The following POLR3B variants were observed in gnomAD, a reference collection of about 807,000 sequenced individuals.
POLR3B encodes DNA-directed RNA polymerase III subunit RPC2.
POLR3B carries 96 observed loss-of-function variants against 147.4 expected under a neutral mutation model. That is an observed-to-expected ratio of 0.65 (90% CI 0.55 to 0.77). POLR3B has a LOEUF of 0.77. Ranked by LOEUF, POLR3B falls within the 30% of genes least tolerant of loss-of-function variation. The pLI, the probability that POLR3B is intolerant of heterozygous loss-of-function variation, is 0.00. For missense variants in POLR3B, 1,036 were observed against 1,413.5 expected (o/e 0.73, Z 4.28); for synonymous variants, 461 against 485.9 (o/e 0.95, Z 0.67).
Position 106,359,362 on chromosome 12 carries a change from A to C in POLR3B, c.72+1411A>C, listed in dbSNP as rs180886499. On this transcript the variant is annotated intron_variant, in intron 1 of 27. Transcript: ENST00000228347. ...TTTTTTTTTTTTTGAGACGGAGTCT[A>C]GCTCTGTCGCCCAGGCTGGAGTGCA... 7.5e-3 allele frequency among the ~76,000 whole-genome samples: 992 copies of C among 132,080 alleles called. 11 individuals are homozygous for C. The highest frequency in any genetic ancestry group is 0.028 in the African/African-American group (954 of 34,474). The allele number at this position is 132,080 out of a possible 152,430, so 86.6% of individuals were successfully genotyped here.
At chr12:106,421,230 A>T (rs1008372677) in intron 12 of POLR3B, among the ~76,000 whole-genome samples, 1 of 144,990 alleles carries the variant, frequency 6.9e-6, no homozygotes, top group Admixed American at 6.9e-5. Flanking sequence ...ATTTGACATT[A>T]AAAAAAAAAA....
chr12:106,403,724 A>G (rs1345001750), intron 10 of POLR3B, among the ~76,000 whole-genome samples: 1 of 148,434 alleles, frequency 6.7e-6, no homozygotes, highest in East Asian at 2.0e-4. Context: ...AAAACCAAAC[A>G]CCACATGTTC....
chr12:106,452,590 A>T (rs911215923), intron 19 of POLR3B, among the ~76,000 whole-genome samples: 2 of 152,208 alleles, frequency 1.3e-5, no homozygotes, highest in African/African-American at 4.8e-5. Flanking sequence ...TTGGAACTGA[A>T]ATCTCAACAT....
At chr12:106,452,064 G>A (rs2037804542) in intron 19 of POLR3B, among the ~76,000 whole-genome samples, 1 of 152,188 alleles carries the variant, frequency 6.6e-6, no homozygotes, top group African/African-American at 2.4e-5. Context: ...GGGAATCAAA[G>A]TTTGAGCGTG....
chr12:106,366,391 G>A lies in POLR3B; in HGVS notation c.106-125G>A, dbSNP rs951242615. Reference sequence around the variant, plus strand: ...ATTCATGGATTATTTTTCTCATTTTGATTTTGATAAAAATTTGATGTTCAC... The same window carrying A: ...ATTCATGGATTATTTTTCTCATTTTAATTTTGATAAAAATTTGATGTTCAC... On this transcript the variant is annotated intron_variant, in intron 2 of 27. Transcript: ENST00000228347. 4.3e-6 allele frequency: 3 copies of A among 697,340 alleles called. No homozygotes were observed. In the Admixed American group the frequency reaches 6.8e-5, roughly 16 times the overall value. The allele number at this position is 697,340 out of a possible 1,614,324, so 43.2% of individuals were successfully genotyped here.
Position 106,510,068 on chromosome 12 carries a change from G to A in POLR3B, c.*519G>A. ...ACCCAAACTTTGTAATTTTAGTCTTGGTGAAATATAATGAATTTGTTCCTA... is the reference window on the plus strand; with the variant it reads ...ACCCAAACTTTGTAATTTTAGTCTTAGTGAAATATAATGAATTTGTTCCTA... On this transcript the variant is annotated 3_prime_UTR_variant, in exon 28 of 28. Coordinates refer to ENST00000228347, the MANE Select transcript of POLR3B (RefSeq NM_018082.6). 1 of 169,660 alleles carries A rather than the reference G, an allele frequency of 5.9e-6. No individual in the cohort carries two copies. Among genetic ancestry groups the A allele is most frequent in the African/African-American group, 2.4e-5 (1 of 41,796 alleles). 10.5% of individuals were successfully genotyped at this position (169,660 alleles called of 1,614,324 possible).
At chr12:106,426,033 C>T (rs986524256) in intron 12 of POLR3B, among the ~76,000 whole-genome samples, 1 of 151,850 alleles carries the variant, frequency 6.6e-6, no homozygotes, top group African/African-American at 2.4e-5. Context: ...ACGAGTCTAC[C>T]ACAGTTTGTC....
chr12:106,397,740 T>C (rs1593017761), intron 10 of POLR3B, among the ~76,000 whole-genome samples: 1 of 152,220 alleles, frequency 6.6e-6, no homozygotes, highest in African/African-American at 2.4e-5. Flanking sequence ...GTTTATCCTA[T>C]TGATAGACAC....
chr12:106,375,713 T>A (rs907646669), intron 6 of POLR3B, among the ~76,000 whole-genome samples: 3 of 152,230 alleles, frequency 2.0e-5, no homozygotes, highest in Non-Finnish European at 2.9e-5. Flanking sequence ...TCATAGCCTC[T>A]TGTTCCTTAC....
In POLR3B at chr12:106,419,458, C is replaced by G. The variant is rs79952374; in HGVS notation, c.1102-7739C>G. Reference sequence around the variant, plus strand: ...ATTTGCTTTGAATACCTTCTTCATTCTGAGTCAAAAAACTACCTATCAGAA... The same window carrying G: ...ATTTGCTTTGAATACCTTCTTCATTGTGAGTCAAAAAACTACCTATCAGAA... On this transcript the variant is annotated intron_variant, in intron 12 of 27. Transcript: ENST00000228347. 9.7e-4 allele frequency among the ~76,000 whole-genome samples: 147 copies of G among 152,300 alleles called. 2 individuals carry two copies. The East Asian group carries it at 0.027, about 28-fold the overall frequency.
At position 106,460,286 on chromosome 12, in the gene POLR3B, C is replaced by G. The variant is rs572348712; in HGVS notation, c.2570+918C>G. Reference sequence around the variant, plus strand: ...CATAATAGCATATTGGGAATTTACACTGTACCAGTTACTGTTCTGGACATT... The same window carrying G: ...CATAATAGCATATTGGGAATTTACAGTGTACCAGTTACTGTTCTGGACATT... On this transcript the variant is annotated intron_variant, in intron 22 of 27. Coordinates refer to ENST00000228347, the MANE Select transcript of POLR3B (RefSeq NM_018082.6). Among the ~76,000 whole-genome samples the G allele has an allele frequency of 2.6e-5, 4 of 152,330 alleles. No homozygotes were observed. The South Asian group carries it at 8.3e-4, about 32-fold the overall frequency.
chr12:106,388,100 G>C (rs924879672), intron 9 of POLR3B, among the ~76,000 whole-genome samples: 1 of 152,158 alleles, frequency 6.6e-6, no homozygotes, highest in Non-Finnish European at 1.5e-5. Context: ...GTCTGAATAT[G>C]ATGGAGAAAG....
Position 106,501,451 on chromosome 12 carries a change from C to T in POLR3B, c.3098+15C>T. On this transcript the variant is annotated intron_variant, in intron 26 of 27. Coordinates refer to ENST00000228347, the MANE Select transcript of POLR3B (RefSeq NM_018082.6). Reference sequence around the variant, plus strand: ...GTCCTTACCAGGTAAGAGAAAAGTACTTACAAAAAGAATTGATAATGCAGT... The same window carrying T: ...GTCCTTACCAGGTAAGAGAAAAGTATTTACAAAAAGAATTGATAATGCAGT... The T allele has an allele frequency of 3.4e-6, 5 of 1,459,698 alleles. No homozygotes were observed. The highest frequency in any genetic ancestry group is 4.8e-6 in the Non-Finnish European group (5 of 1,039,354). The allele number at this position is 1,459,698 out of a possible 1,614,324, so 90.4% of individuals were successfully genotyped here.
At chr12:106,482,820 T>C (rs1052771687) in intron 23 of POLR3B, among the ~76,000 whole-genome samples, 5 of 152,216 alleles carry the variant, frequency 3.3e-5, no homozygotes, top group African/African-American at 1.2e-4. Flanking sequence ...GAATCCTTTA[T>C]TAAATAAAGG....
rs1191477775 is a variant in POLR3B, at chr12:106,504,098, G to A, written c.3116G>A (p.Arg1039Gln). 6.2e-7 allele frequency: 1 copy of A among 1,614,010 alleles called. No homozygotes were observed. Among genetic ancestry groups the A allele is most frequent in the African/African-American group, 1.3e-5 (1 of 74,994 alleles). Residue 1039 changes from arginine to glutamine, a missense_variant, in exon 27 of 28, where the codon CGG becomes CAG. Around this residue, in one of 12 missense-constraint regions of POLR3B, gnomAD observed 18 missense variants for 73.4 expected, o/e 0.25. Coordinates refer to ENST00000228347, the MANE Select transcript of POLR3B (RefSeq NM_018082.6). This position sits in a 1 kb window ranked among gnomAD's most constrained non-coding sequence, Gnocchi z 4.6. ...TTTCAAAGGCAACCCACTGAAGGAC[G>A]GTCTCGTGATGGTGGCTTGCGTCTC... ...AVLTRQPTEGRSRDGGLRLGE... is the reference protein window; with the variant it reads ...AVLTRQPTEGQSRDGGLRLGE...
At chr12:106,436,499 T>C (rs543539131) in intron 16 of POLR3B, among the ~76,000 whole-genome samples, 4 of 152,198 alleles carry the variant, frequency 2.6e-5, no homozygotes, top group African/African-American at 4.8e-5. Context: ...TTTAAGTATC[T>C]TGCTAACCTA....
At chr12:106,358,288 C>A (rs1331730980) in intron 1 of POLR3B, 3 of 1,258,142 alleles carry the variant, frequency 2.4e-6, no homozygotes, top group Non-Finnish European at 2.0e-6. Context: ...TGCAGTCTTA[C>A]AGAGGACACG....
At chr12:106,448,145 G>A (rs1052655263) in intron 19 of POLR3B, among the ~76,000 whole-genome samples, 1 of 151,992 alleles carries the variant, frequency 6.6e-6, no homozygotes, top group Non-Finnish European at 1.5e-5. Context: ...ATTATTTTTT[G>A]AATTCTGCTA....
chr12:106,405,046 G>C (rs74329745), intron 10 of POLR3B, among the ~76,000 whole-genome samples: 3,905 of 152,218 alleles, frequency 0.026, 170 homozygotes, highest in African/African-American at 0.088. Flanking sequence ...CATTTAGTAT[G>C]TGTTTATTTC....
Sources: allele counts gnomAD v4.1 joint callset (sites outside exome capture counted in the v4.1 genomes callset), GRCh38; gene constraint gnomAD v4.1.1; regional missense constraint gnomAD v4.1.1; non-coding constraint Gnocchi (gnomAD v3.1); transcripts MANE v1.5; gene names NCBI Gene and HGNC (gene_info 2026-07-23, HGNC 2026-07-21).